Variants in ING3 observed in about 807,000 individuals in gnomAD.
ING3 encodes inhibitor of growth family member 3.
ING3 carries 6 observed loss-of-function variants against 64.8 expected under a neutral mutation model. That is an observed-to-expected ratio of 0.09 (90% CI 0.05 to 0.18). The LOEUF is 0.18. Among genes scored for constraint, ING3 ranks in the 10% least tolerant of loss-of-function variants. The probability of loss-of-function intolerance (pLI) is 1.00; values close to 1 mark genes in which losing one functional copy is unlikely to be tolerated. For synonymous variants in ING3, 170 were observed against 173.7 expected, an observed-to-expected ratio of 0.98 and a Z score of 0.17; for missense variants, 310 against 489.7, an observed-to-expected ratio of 0.63 and a Z score of 3.46.
At chr7:120,951,838 TAA>T (rs1445864212) in intron 2 of ING3, among the ~76,000 whole-genome samples, 1 of 152,216 alleles carries the variant, frequency 6.6e-6, no homozygotes, top group African/African-American at 2.4e-5. Flanking sequence ...TTTTAGCAGT[TAA>T]TGAACATTTC....
chr7:120,956,225 T>C (rs1478411798), intron 4 of ING3: 1 of 1,596,830 alleles, frequency 6.3e-7, no homozygotes, highest in Non-Finnish European at 8.5e-7. Context: ...CTCATATTGA[T>C]GCAATTGTGG....
intron 4 of ING3, chr7:120,956,711 G>A (rs928521555): frequency 1.0e-6 from 1 of 975,678 alleles, no homozygotes; most frequent in African/African-American, 1.8e-5. Context: ...GGTCTTAATT[G>A]TTTCAGTCTT....
chr7:120,971,742 C>G (rs561455270), intron 10 of ING3, among the ~76,000 whole-genome samples: 1 of 151,912 alleles, frequency 6.6e-6, no homozygotes, highest in Non-Finnish European at 1.5e-5. Flanking sequence ...GATAATATTA[C>G]GATAGGCATT....
rs778143231 is a variant in ING3 at position 120,967,536 on chromosome 7, A to G, written c.444A>G (p.Lys148=). The part of the protein sequence containing the change: ...AHSHTPVEKR[K]YNPTSHHTTT... ...TTTTTTATTTATATTTAGAAAGGAA[A>G]TATAATCCAACTTCTCACCATACGA... The change falls in exon 7 of 12, where the codon AAA becomes AAG. Residue 148 remains lysine (K), a synonymous_variant. Transcript: ENST00000315870. 11 of 1,545,700 alleles carry G rather than the reference A, an allele frequency of 7.1e-6. No homozygotes were observed. In the South Asian group the frequency reaches 1.1e-4, roughly 15 times the overall value.
chr7:120,968,446 T>C (rs1475808868), intron 8 of ING3, among the ~76,000 whole-genome samples: 1 of 152,172 alleles, frequency 6.6e-6, no homozygotes, highest in Non-Finnish European at 1.5e-5. Context: ...TAGGTCATCT[T>C]GAGTTTGTTC....
chr7:120,964,694 A>T, intron 4 of ING3, 48 bp from the exon 5 acceptor site: 1 of 1,449,634 alleles, frequency 6.9e-7, no homozygotes, highest in Non-Finnish European at 9.7e-7. Context: ...CTGACACTTT[A>T]ACAGTGTCCC....
intron 4 of ING3, among the ~76,000 whole-genome samples, chr7:120,959,732 G>T (rs1034720494): frequency 7.7e-6 from 1 of 129,296 alleles, no homozygotes; most frequent in African/African-American, 2.9e-5. Context: ...TGCAAGCTCC[G>T]CCTCTTGGGT....
rs1190384498 is a variant in ING3, at chr7:120,975,196, G to A, written c.*352G>A. ...TCCAATGATGAAGATTTTAAGGAAA[G>A]TATTTTATATTCAACAGGTATATTC... On this transcript the variant is annotated 3_prime_UTR_variant, in exon 12 of 12. Transcript: ENST00000315870. 6.0e-6 allele frequency: 1 copy of A among 167,328 alleles called. No homozygotes were observed. The highest frequency in any genetic ancestry group is 1.3e-5 in the Non-Finnish European group (1 of 77,472). 10.4% of individuals were successfully genotyped at this position (167,328 alleles called of 1,614,324 possible).
chr7:120,964,664 A>G (rs907210732), intron 4 of ING3, 78 bp from the exon 5 acceptor site: 9 of 1,116,810 alleles, frequency 8.1e-6, no homozygotes, highest in African/African-American at 1.6e-5. Context: ...AGAAACAAAA[A>G]TTTAGGTTTC....
chr7:120,962,418 T>C (rs918674815), intron 4 of ING3, among the ~76,000 whole-genome samples: 8 of 151,762 alleles, frequency 5.3e-5, no homozygotes, highest in African/African-American at 1.9e-4. Context: ...ATTAACCCTT[T>C]AGGTTCTAGT....
rs369625112 is a variant in ING3 at position 120,964,875 on chromosome 7, A to C, written c.364+37A>C. ...TTACAGTTTTCCATCAATATTGGAC[A>C]GTACATGTGCAAATCGCTGAGAAGA... On this transcript the variant is annotated intron_variant, in intron 5 of 11. Transcript: ENST00000315870. 4 of 1,515,298 alleles carry C rather than the reference A, an allele frequency of 2.6e-6. No homozygotes were observed. In the African/African-American group the frequency reaches 4.1e-5, roughly 16 times the overall value. 93.9% of individuals were successfully genotyped at this position (1,515,298 alleles called of 1,614,324 possible).
intron 4 of ING3, chr7:120,956,492 T>C: frequency 2.8e-6 from 3 of 1,076,032 alleles, no homozygotes; most frequent in Non-Finnish European, 3.4e-6. Context: ...TTGTAAATGC[T>C]TATACCACAA....
intron 9 of ING3, among the ~76,000 whole-genome samples, chr7:120,969,711 A>G (rs1181374709): frequency 6.6e-6 from 1 of 152,176 alleles, no homozygotes; most frequent in Non-Finnish European, 1.5e-5. Context: ...TATAAGCTTT[A>G]AATATGAAAA....
At chr7:120,951,084 C>G (rs1474758167) in intron 1 of ING3, 80 bp from the exon 2 acceptor site, 1 of 1,556,188 alleles carries the variant, frequency 6.4e-7, no homozygotes, top group East Asian at 2.3e-5. Flanking sequence ...CCCCTCGACC[C>G]CCCTGACGCA....
chr7:120,973,486 T>G (rs1796095481), intron 11 of ING3, among the ~76,000 whole-genome samples: 1 of 152,144 alleles, frequency 6.6e-6, no homozygotes, highest in South Asian at 2.1e-4. Flanking sequence ...AAGTGTTATG[T>G]TGTATGAAAA....
intron 4 of ING3, 185 bp downstream of exon 4, chr7:120,955,809 A>C: frequency 1.7e-6 from 1 of 604,812 alleles, no homozygotes; most frequent in Admixed American, 3.0e-5. Context: ...CAGAGTGGTT[A>C]GTTAATGTGG....
chr7:120,976,934 G>C lies in ING3; in HGVS notation c.*2090G>C, dbSNP rs1377055730. ...TAATATCTGAGTCATATATAATGGG[G>C]CCAAACATGGAACTACCTCATCAAC... On this transcript the variant is annotated 3_prime_UTR_variant, in exon 12 of 12. Coordinates refer to ENST00000315870, the MANE Select transcript of ING3 (RefSeq NM_019071.3). The C allele has an allele frequency of 6.6e-6, 1 of 152,256 alleles. No homozygotes were observed. The highest frequency in any genetic ancestry group is 1.9e-4 in the East Asian group (1 of 5,178). The allele number at this position is 152,256 out of a possible 1,614,324, so 9.4% of individuals were successfully genotyped here. A position where few individuals can be genotyped will look rare whatever the true frequency, so the allele number is the denominator to read the frequency against.
chr7:120,968,878 G>A (rs937991704), intron 8 of ING3, 133 bp from the exon 9 acceptor site: 16 of 417,940 alleles, frequency 3.8e-5, no homozygotes, highest in African/African-American at 2.8e-4. Context: ...TTAAATTCCA[G>A]TGATGAAAAT....
chr7:120,964,921 T>G, intron 5 of ING3, 83 bp downstream of exon 5: 3 of 1,104,018 alleles, frequency 2.7e-6, no homozygotes. Context: ...CAGAGGCTTT[T>G]GAAATCCTGC....
Sources: gnomAD v4.1 joint callset for allele counts (sites outside exome capture counted in the v4.1 genomes callset) on GRCh38, gnomAD v4.1.1 for gene constraint, MANE v1.5 for transcripts, NCBI Gene and HGNC (gene_info 2026-07-23, HGNC 2026-07-21) for gene names.